The following ANAPC1 variants were observed in gnomAD, a reference collection of about 807,000 sequenced individuals.
ANAPC1 encodes anaphase-promoting complex subunit 1.
Under a neutral mutation model 208.0 loss-of-function variants are expected in ANAPC1, and 36 were observed. The observed-to-expected ratio is 0.17, with a 90% confidence interval of 0.13 to 0.23. The LOEUF is 0.23. Among genes scored for constraint, ANAPC1 ranks in the 10% least tolerant of loss-of-function variants. The pLI, the probability that ANAPC1 is intolerant of heterozygous loss-of-function variation, is 1.00. For synonymous variants in ANAPC1, 378 were observed against 695.2 expected, an observed-to-expected ratio of 0.54 and a Z score of 7.18; for missense variants, 942 against 2,011.6, an observed-to-expected ratio of 0.47 and a Z score of 10.17.
At chr2:111,877,150 T>C (rs1216622782) in intron 3 of ANAPC1, among the ~76,000 whole-genome samples, 3 of 150,012 alleles carry the variant, frequency 2.0e-5, no homozygotes, top group African/African-American at 7.3e-5. Context: ...TATAAAACCA[T>C]AAAATCATCG....
At chr2:111,778,906 A>C (rs1677131209) in intron 44 of ANAPC1, 136 bp from the exon 45 acceptor site, 1 of 480,802 alleles carries the variant, frequency 2.1e-6, no homozygotes, top group Non-Finnish European at 3.9e-6. Flanking sequence ...TCTTTTAAAA[A>C]AGCCACAGCA....
At position 111,769,273 on chromosome 2, in the gene ANAPC1, G is replaced by C; in HGVS notation, c.*18C>G. 1.9e-6 allele frequency: 3 copies of C among 1,611,122 alleles called. No homozygotes were observed. In the South Asian group the frequency reaches 3.3e-5, roughly 18 times the overall value. On this transcript the variant is annotated 3_prime_UTR_variant, in exon 48 of 48. Transcript: ENST00000341068. ...GTGCAGAAGTCACGTTTCAGGGTAGGTTCACCGCCAGACACGGTCACATCA... is the reference window on the plus strand; with the variant it reads ...GTGCAGAAGTCACGTTTCAGGGTAGCTTCACCGCCAGACACGGTCACATCA...
chr2:111,868,130 T>C (rs1243274838), intron 6 of ANAPC1, 34 bp from the exon 7 acceptor site: 3 of 1,488,294 alleles, frequency 2.0e-6, no homozygotes, highest in Admixed American at 2.0e-5. Context: ...TAATTACCAA[T>C]ACGAGTATGT....
At chr2:111,878,490 CAT>C (rs1408451063) in intron 3 of ANAPC1, among the ~76,000 whole-genome samples, 1 of 152,104 alleles carries the variant, frequency 6.6e-6, no homozygotes, top group Non-Finnish European at 1.5e-5. Context: ...TTATAGTAAT[CAT>C]GTGTTAAAAT....
At chr2:111,836,314 A>T in intron 18 of ANAPC1, among the ~76,000 whole-genome samples, 1 of 151,966 alleles carries the variant, frequency 6.6e-6, no homozygotes, top group Non-Finnish European at 1.5e-5. Flanking sequence ...AAAAGAAATT[A>T]AAATTACAGA....
intron 43 of ANAPC1, chr2:111,780,662 C>T (rs1169126442): frequency 8.1e-6 from 2 of 246,402 alleles, no homozygotes; most frequent in Non-Finnish European, 1.6e-5. Context: ...GCTTTTCCCT[C>T]CTTCACTGAC....
intron 3 of ANAPC1, among the ~76,000 whole-genome samples, chr2:111,878,424 TTC>T (rs1169291127): frequency 2.0e-5 from 3 of 152,342 alleles, no homozygotes; most frequent in East Asian, 1.9e-4. Context: ...ATTTTTTCCT[TTC>T]TCTCTACCAT....
intron 21 of ANAPC1, among the ~76,000 whole-genome samples, chr2:111,830,768 A>G (rs775233820): frequency 4.3e-4 from 65 of 152,236 alleles, no homozygotes; most frequent in Non-Finnish European, 6.5e-4. Flanking sequence ...ATGCAGGTAA[A>G]TGATCTCTTA....
intron 33 of ANAPC1, among the ~76,000 whole-genome samples, chr2:111,801,762 G>C (rs1253374610): frequency 6.7e-6 from 1 of 148,754 alleles, no homozygotes; most frequent in African/African-American, 2.5e-5. Context: ...AACTAAAATT[G>C]AGTTGAATAT....
At chr2:111,867,979 A>C (rs1682528698) in intron 7 of ANAPC1, 44 bp downstream of exon 7, 6 of 837,240 alleles carry the variant, frequency 7.2e-6, no homozygotes, top group Non-Finnish European at 1.0e-5. Flanking sequence ...CACCAAAGTC[A>C]AAAAAAAAAG....
intron 11 of ANAPC1, 35 bp from the exon 12 acceptor site, chr2:111,856,921 G>C: frequency 6.5e-7 from 1 of 1,533,312 alleles, no homozygotes; most frequent in Non-Finnish European, 9.0e-7. Flanking sequence ...CTTGATACAT[G>C]CAACAACCTG....
downstream of ANAPC1, chr2:111,766,591 C>T (rs1435985329): frequency 1.9e-5 from 4 of 213,778 alleles, no homozygotes; most frequent in African/African-American, 9.3e-5. Flanking sequence ...GAGACATTCC[C>T]CCCCAATTTG....
chr2:111,816,768 G>A (rs191167949), intron 27 of ANAPC1, among the ~76,000 whole-genome samples: 1 of 138,772 alleles, frequency 7.2e-6, no homozygotes, highest in Admixed American at 7.2e-5. Flanking sequence ...TAAATTTTAA[G>A]TAGATGCAGT....
intron 16 of ANAPC1, among the ~76,000 whole-genome samples, chr2:111,844,041 C>A (rs1292689206): frequency 6.6e-6 from 1 of 151,938 alleles, no homozygotes; most frequent in Non-Finnish European, 1.5e-5. Flanking sequence ...CCAGGCTAGT[C>A]TCAAACTCCT....
intron 29 of ANAPC1, among the ~76,000 whole-genome samples, chr2:111,808,418 CA>C (rs1678804098): frequency 6.6e-6 from 1 of 151,976 alleles, no homozygotes; most frequent in Non-Finnish European, 1.5e-5. Flanking sequence ...AAAACAGAGA[CA>C]ATGTTCACTA....
chr2:111,831,199 A>G lies in ANAPC1; in HGVS notation c.2625+87T>C, dbSNP rs1680108903. On this transcript the variant is annotated intron_variant, in intron 21 of 47. Coordinates refer to ENST00000341068, the MANE Select transcript of ANAPC1 (RefSeq NM_022662.4). ...CGTACTGAAATTCACAGAACTATACACAGAAAAAAACTTAATATCAGGTGT... is the reference window on the plus strand; with the variant it reads ...CGTACTGAAATTCACAGAACTATACGCAGAAAAAAACTTAATATCAGGTGT... 5 of 1,438,246 alleles carry G rather than the reference A, an allele frequency of 3.5e-6. No individual in the cohort carries two copies. In the Admixed American group the frequency reaches 9.7e-5, roughly 28 times the overall value. 89.1% of individuals were successfully genotyped at this position (1,438,246 alleles called of 1,614,324 possible).
At position 111,788,274 on chromosome 2, in the gene ANAPC1, C is replaced by A. The variant is rs775420197; in HGVS notation, c.4759G>T (p.Ala1587Ser). 2 of 1,613,670 alleles carry A rather than the reference C, an allele frequency of 1.2e-6. No homozygotes were observed. The highest frequency in any genetic ancestry group is 1.7e-6 in the Non-Finnish European group (2 of 1,179,676). ...SNSSIAALLC[A>S]LYPHFPAHST... The stretch of plus-strand genomic sequence containing the variant: ...TGAGCTGGGAAGTGCGGATAAAGGG[C>A]ACAGAGAAGAGCGGCAATGGAAGAA... The change falls in exon 39 of 48, where the codon GCC becomes TCC. Residue 1587 changes from alanine (A) to serine (S), a missense_variant. Physicochemically the swap from Ala to Ser is moderately conservative, Grantham distance 99 (BLOSUM62 1). Transcript: ENST00000341068.
chr2:111,808,865 T>C (rs956472161), intron 29 of ANAPC1, 82 bp downstream of exon 29: 116 of 1,474,714 alleles, frequency 7.9e-5, no homozygotes, highest in Non-Finnish European at 1.0e-4. Context: ...TTAATTTTTA[T>C]AATTTTACTA....
intron 14 of ANAPC1, among the ~76,000 whole-genome samples, chr2:111,850,481 T>A (rs1681331334): frequency 6.6e-6 from 1 of 151,984 alleles, no homozygotes; most frequent in South Asian, 2.1e-4. Context: ...TCCACATTAC[T>A]GAGTCATGAG....
Sources: gnomAD v4.1 joint callset for allele counts (sites outside exome capture counted in the v4.1 genomes callset) on GRCh38, gnomAD v4.1.1 for gene constraint, MANE v1.5 for transcripts, NCBI Gene and HGNC (gene_info 2026-07-23, HGNC 2026-07-21) for gene names.